Variants in CSNK2A2IP observed in about 807,000 individuals in gnomAD.
CSNK2A2IP encodes the protein casein kinase 2 subunit alpha' interacting protein.
the CSNK2A2IP span, among the ~76,000 whole-genome samples, chr3:88,450,917 G>T: frequency 6.6e-6 from 1 of 151,968 alleles, no homozygotes; most frequent in African/African-American, 2.4e-5. Flanking sequence ...AATTTCTTTA[G>T]AAATCTCCGT....
the CSNK2A2IP span, among the ~76,000 whole-genome samples, chr3:88,440,382 T>C: frequency 6.6e-6 from 1 of 152,102 alleles, no homozygotes. Flanking sequence ...TATAGATTAA[T>C]ACATATATTG....
chr3:88,369,680 G>C, the CSNK2A2IP span, among the ~76,000 whole-genome samples: 1 of 151,932 alleles, frequency 6.6e-6, no homozygotes, highest in Non-Finnish European at 1.5e-5. Flanking sequence ...GGAGAGAGTA[G>C]AGGTGGGCCT....
the CSNK2A2IP span, among the ~76,000 whole-genome samples, chr3:88,396,653 G>C: frequency 6.6e-6 from 1 of 152,176 alleles, no homozygotes; most frequent in Non-Finnish European, 1.5e-5. Context: ...GAGGAGAAGC[G>C]CAATGTTAGA....
At chr3:88,377,930 A>G in the CSNK2A2IP span, among the ~76,000 whole-genome samples, 2 of 152,030 alleles carry the variant, frequency 1.3e-5, no homozygotes, top group African/African-American at 2.4e-5. Flanking sequence ...TTGTTTAAGC[A>G]ATATCAATGA....
At chr3:88,446,828 G>A in the CSNK2A2IP span, among the ~76,000 whole-genome samples, 9 of 152,054 alleles carry the variant, frequency 5.9e-5, no homozygotes, top group Admixed American at 1.3e-4. Context: ...TTTTAACTAT[G>A]CTTTTATGTT....
the CSNK2A2IP span, among the ~76,000 whole-genome samples, chr3:88,429,249 C>T: frequency 6.6e-6 from 1 of 152,018 alleles, no homozygotes; most frequent in African/African-American, 2.4e-5. Context: ...TGTCTTCTTC[C>T]TACTACGCAA....
At chr3:88,415,021 CCACACACA>C in the CSNK2A2IP span, among the ~76,000 whole-genome samples, 2 of 148,656 alleles carry the variant, frequency 1.3e-5, no homozygotes, top group African/African-American at 5.0e-5. Context: ...TAAAAAAAAC[CCACACACA>C]CACACACACA....
chr3:88,352,158 G>A, the CSNK2A2IP span, among the ~76,000 whole-genome samples: 4 of 151,972 alleles, frequency 2.6e-5, no homozygotes, highest in South Asian at 2.1e-4. Context: ...TGATAAAAAT[G>A]TTTTAGTTTT....
the CSNK2A2IP span, among the ~76,000 whole-genome samples, chr3:88,364,502 G>A: frequency 6.6e-6 from 1 of 152,016 alleles, no homozygotes; most frequent in South Asian, 2.1e-4. Flanking sequence ...GAGAGATAAT[G>A]TAAGTAATAA....
At chr3:88,353,079 G>T in the CSNK2A2IP span, among the ~76,000 whole-genome samples, 3,876 of 152,152 alleles carry the variant, frequency 0.025, 105 homozygotes, top group East Asian at 0.074. Flanking sequence ...ACTTCCCTTT[G>T]TTATCTGGAT....
chr3:88,420,411 T>A, the CSNK2A2IP span, among the ~76,000 whole-genome samples: 1 of 152,172 alleles, frequency 6.6e-6, no homozygotes, highest in Non-Finnish European at 1.5e-5. Context: ...TCATGTGAAA[T>A]GAGATTAATA....
At chr3:88,382,449 T>C in the CSNK2A2IP span, 1 of 152,198 alleles carries the variant, frequency 6.6e-6, no homozygotes, top group Non-Finnish European at 1.5e-5. Context: ...ACTGAGAATA[T>C]TATGGTACTT....
chr3:88,450,035 C>T, the CSNK2A2IP span, among the ~76,000 whole-genome samples: 11 of 149,654 alleles, frequency 7.4e-5, no homozygotes, highest in Admixed American at 5.3e-4. Context: ...GCCTGGCTAA[C>T]TGTTTTGTAT....
the CSNK2A2IP span, among the ~76,000 whole-genome samples, chr3:88,386,138 T>C: frequency 6.6e-6 from 1 of 152,192 alleles, no homozygotes; most frequent in Non-Finnish European, 1.5e-5. Flanking sequence ...TTTTTTCTTT[T>C]TTTGAGATGG....
chr3:88,450,625 C>CT, the CSNK2A2IP span, among the ~76,000 whole-genome samples: 437 of 152,190 alleles, frequency 2.9e-3, 2 homozygotes, highest in African/African-American at 9.8e-3. Flanking sequence ...AGATCGGGTT[C>CT]TTTTTAGGAC....
At chr3:88,435,976 T>TAA in the CSNK2A2IP span, among the ~76,000 whole-genome samples, 9 of 147,816 alleles carry the variant, frequency 6.1e-5, no homozygotes, top group East Asian at 4.0e-4. Context: ...ATTATATATA[T>TAA]TTCAGGAAAA....
chr3:88,436,213 A>G, the CSNK2A2IP span, among the ~76,000 whole-genome samples: 4 of 152,120 alleles, frequency 2.6e-5, no homozygotes, highest in East Asian at 5.8e-4. Flanking sequence ...CAAGTATCAA[A>G]TATTTTGTGA....
At chr3:88,464,349 G>T in the CSNK2A2IP span, among the ~76,000 whole-genome samples, 1 of 150,782 alleles carries the variant, frequency 6.6e-6, no homozygotes, top group Non-Finnish European at 1.5e-5. Flanking sequence ...TATATATAAA[G>T]AAAGAAAATC....
At chr3:88,395,972 G>A in the CSNK2A2IP span, among the ~76,000 whole-genome samples, 1 of 152,050 alleles carries the variant, frequency 6.6e-6, no homozygotes, top group South Asian at 2.1e-4. Flanking sequence ...GTAGTTGCTT[G>A]TTTTATCCTG....
Sources: gnomAD v4.1 joint callset for allele counts (sites outside exome capture counted in the v4.1 genomes callset) on GRCh38, gnomAD v4.1.1 for gene constraint, MANE v1.5 for transcripts, NCBI Gene and HGNC (gene_info 2026-07-23, HGNC 2026-07-21) for gene names.